The following TMPRSS15 variants were observed in gnomAD, a reference collection of about 807,000 sequenced individuals.
TMPRSS15 encodes transmembrane serine protease 15.
In TMPRSS15, 128 loss-of-function variants were observed where a neutral mutation model predicts 125.3. The ratio of observed to expected loss-of-function variants is 1.02; its 90% CI spans 0.89 to 1.18. TMPRSS15 has a LOEUF of 1.18. Ranked by LOEUF, TMPRSS15 falls within the 50% of genes most tolerant of loss-of-function variation. The pLI, the probability that TMPRSS15 is intolerant of heterozygous loss-of-function variation, is 0.00. For synonymous variants in TMPRSS15, 446 were observed against 423.2 expected, an observed-to-expected ratio of 1.05 and a Z score of -0.66; for missense variants, 1,283 against 1,212.7, an observed-to-expected ratio of 1.06 and a Z score of -0.86.
chr21:18,430,967 CAT>C (rs1318563841), intron 1 of TMPRSS15, among the ~76,000 whole-genome samples: 6 of 152,300 alleles, frequency 3.9e-5, no homozygotes, highest in South Asian at 4.1e-4. Context: ...AAACTCTACA[CAT>C]GTTAGTTTGC....
intron 3 of TMPRSS15, among the ~76,000 whole-genome samples, chr21:18,394,326 T>G (rs1026328302): frequency 6.6e-6 from 1 of 152,146 alleles, no homozygotes; most frequent in Admixed American, 6.5e-5. Flanking sequence ...TAAGGAAAAT[T>G]CTGCTTTCTA....
chr21:18,352,410 G>C (rs2075578818), intron 10 of TMPRSS15, among the ~76,000 whole-genome samples: 1 of 152,060 alleles, frequency 6.6e-6, no homozygotes, highest in Non-Finnish European at 1.5e-5. Flanking sequence ...ATGCAATCTT[G>C]TATGTTGAAA....
At chr21:18,380,772 G>T (rs552393091) in intron 4 of TMPRSS15, among the ~76,000 whole-genome samples, 1 of 152,136 alleles carries the variant, frequency 6.6e-6, no homozygotes, top group African/African-American at 2.4e-5. Flanking sequence ...TCCAGAGTCT[G>T]CATATTCTCT....
At chr21:18,423,745 G>C (rs1338772646) in intron 1 of TMPRSS15, among the ~76,000 whole-genome samples, 1 of 152,014 alleles carries the variant, frequency 6.6e-6, no homozygotes, top group Non-Finnish European at 1.5e-5. Flanking sequence ...GTATTGCTCA[G>C]TGGTTCCGCT....
upstream of TMPRSS15, among the ~76,000 whole-genome samples, chr21:18,407,448 CTTTTTTTTT>C (rs201740388): frequency 5.3e-5 from 7 of 133,196 alleles, no homozygotes; most frequent in Admixed American, 7.4e-5. Flanking sequence ...TTTTTCTTTT[CTTTTTTTTT>C]TTTTTTTTTG....
At chr21:18,371,551 A>G (rs2075791912) in intron 6 of TMPRSS15, among the ~76,000 whole-genome samples, 1 of 152,214 alleles carries the variant, frequency 6.6e-6, no homozygotes, top group African/African-American at 2.4e-5. Context: ...TCAAATAGTA[A>G]TAATAATGGT....
intron 18 of TMPRSS15, among the ~76,000 whole-genome samples, chr21:18,307,218 C>T (rs2075047472): frequency 6.6e-6 from 1 of 152,182 alleles, no homozygotes; most frequent in South Asian, 2.1e-4. Flanking sequence ...AAAGTCTTTG[C>T]AGAGATTACC....
At chr21:18,368,010 A>T (rs1601400419) in intron 6 of TMPRSS15, among the ~76,000 whole-genome samples, 1 of 152,318 alleles carries the variant, frequency 6.6e-6, no homozygotes, top group African/African-American at 2.4e-5. Context: ...AATTTTTTAA[A>T]GATTTCCATC....
At chr21:18,298,565 A>C (rs2074932476) in intron 18 of TMPRSS15, among the ~76,000 whole-genome samples, 1 of 152,152 alleles carries the variant, frequency 6.6e-6, no homozygotes, top group South Asian at 2.1e-4. Flanking sequence ...CTAATTGAAG[A>C]TTTCTCTTAA....
At chr21:18,334,685 C>T (rs529059452) in intron 13 of TMPRSS15, among the ~76,000 whole-genome samples, 58 of 152,244 alleles carry the variant, frequency 3.8e-4, no homozygotes, top group African/African-American at 1.3e-3. Flanking sequence ...TATTCACTTG[C>T]TTTTTAATGC....
intron 1 of TMPRSS15, among the ~76,000 whole-genome samples, chr21:18,461,775 C>A (rs1173536542): frequency 6.6e-6 from 1 of 151,876 alleles, no homozygotes; most frequent in South Asian, 2.1e-4. Flanking sequence ...AACTTAAAGT[C>A]GATTTATTTT....
At chr21:18,338,472 T>C (rs1478384751) in intron 13 of TMPRSS15, among the ~76,000 whole-genome samples, 3 of 152,124 alleles carry the variant, frequency 2.0e-5, no homozygotes, top group Non-Finnish European at 4.4e-5. Flanking sequence ...ATGTTGTTCT[T>C]GCAAAAAAAC....
chr21:18,282,874 G>T (rs2146875802), intron 21 of TMPRSS15, among the ~76,000 whole-genome samples: 1 of 152,302 alleles, frequency 6.6e-6, no homozygotes, highest in African/African-American at 2.4e-5. Context: ...GGGTGCCATG[G>T]GAGGGATTGA....
At chr21:18,326,355 T>C in intron 16 of TMPRSS15, 77 bp downstream of exon 16, 1 of 1,562,598 alleles carries the variant, frequency 6.4e-7, no homozygotes, top group East Asian at 2.2e-5. Flanking sequence ...AATCATGATT[T>C]TGGCCTTGAA....
chr21:18,443,894 G>C (rs1313152336), intron 1 of TMPRSS15, among the ~76,000 whole-genome samples: 1 of 152,184 alleles, frequency 6.6e-6, no homozygotes. Context: ...TGTTGTGGCG[G>C]GAAGCACCTG....
At chr21:18,294,145 T>C (rs2146898560) in intron 21 of TMPRSS15, 125 bp downstream of exon 21, 1 of 1,142,482 alleles carries the variant, frequency 8.8e-7, no homozygotes, top group East Asian at 2.5e-5. Flanking sequence ...TTGGAATGTT[T>C]ATAATGTCAT....
intron 5 of TMPRSS15, among the ~76,000 whole-genome samples, chr21:18,378,611 T>G (rs2075864821): frequency 6.6e-6 from 1 of 152,012 alleles, no homozygotes; most frequent in African/African-American, 2.4e-5. Context: ...GGTAGTGATA[T>G]TGTTGGGAGC....
intron 21 of TMPRSS15, among the ~76,000 whole-genome samples, chr21:18,283,024 G>A (rs926493686): frequency 4.6e-5 from 7 of 152,162 alleles, no homozygotes; most frequent in Non-Finnish European, 8.8e-5. Context: ...TAGAGACTGG[G>A]CCAGGAGGTC....
At position 18,275,336 on chromosome 21, in the gene TMPRSS15, C is replaced by A. The variant is rs1272652836; in HGVS notation, c.2765G>T (p.Gly922Val). 1 of 1,613,802 alleles carries A rather than the reference C, an allele frequency of 6.2e-7. No individual in the cohort carries two copies. The highest frequency in any genetic ancestry group is 1.1e-5 in the South Asian group (1 of 91,086). ...TTCTTGCAATATGTTTGCAGTAGTA[C>A]CTGCTCAAAATGGAGAATGCAGCCA... ...IAGWGTVVYQ[G>V]TTANILQEAD... is the part of the protein sequence containing the mutation. Residue 922 changes from glycine to valine, a missense_variant and splice_region_variant, in exon 24 of 25, where the codon GGT (glycine) becomes GTT (valine). By Grantham distance (109) the Gly-to-Val change is moderately radical. Transcript: ENST00000284885.
Sources: allele counts gnomAD v4.1 joint callset (sites outside exome capture counted in the v4.1 genomes callset), GRCh38; gene constraint gnomAD v4.1.1; transcripts MANE v1.5; gene names NCBI Gene and HGNC (gene_info 2026-07-23, HGNC 2026-07-21).